PHC1: variants seen among roughly 807,000 people sequenced by gnomAD.
PHC1 encodes polyhomeotic-like protein 1.
PHC1 carries 12 observed loss-of-function variants against 104.3 expected under a neutral mutation model. The ratio of observed to expected loss-of-function variants is 0.12; its 90% CI spans 0.07 to 0.19. The LOEUF (loss-of-function observed/expected upper bound fraction) is 0.19, where lower values mean the gene tolerates loss of function less well. Among genes scored for constraint, PHC1 ranks in the 10% least tolerant of loss-of-function variants. The pLI, the probability that PHC1 is intolerant of heterozygous loss-of-function variation, is 1.00. For missense variants in PHC1, 671 were observed against 1,200.0 expected, an observed-to-expected ratio of 0.56 and a Z score of 6.51; for synonymous variants, 302 against 455.8, an observed-to-expected ratio of 0.66 and a Z score of 4.30.
At chr12:8,920,170 T>G (rs1945321226) in intron 3 of PHC1, among the ~76,000 whole-genome samples, 1 of 152,204 alleles carries the variant, frequency 6.6e-6, no homozygotes, top group Non-Finnish European at 1.5e-5. Flanking sequence ...AGACGTCCTA[T>G]AAGATTTTAG....
At chr12:8,928,578 T>C (rs1487502176) in intron 6 of PHC1, among the ~76,000 whole-genome samples, 2 of 152,316 alleles carry the variant, frequency 1.3e-5, no homozygotes, top group East Asian at 3.9e-4. Context: ...TGCATCTCTC[T>C]ATGTTTCTAA....
At position 8,933,135 on chromosome 12, in the gene PHC1, G is replaced by A. The variant is rs1315194985; in HGVS notation, c.1678G>A (p.Gly560Ser). ...TGTACCTACTTCCCGGGGGATGCCA[G>A]GTACAGTGCAGTCTGGTCAGGCCCA... ...AAVPTSRGMPGTVQSGQAHLA... is the reference protein window; with the variant it reads ...AAVPTSRGMPSTVQSGQAHLA... Residue 560 changes from glycine to serine, a missense_variant, in exon 8 of 15, where the codon GGT becomes AGT. Around this residue, in one of 9 missense-constraint regions of PHC1, gnomAD observed 26 missense variants for 130.8 expected, o/e 0.20. Coordinates refer to ENST00000544916, the MANE Select transcript of PHC1 (RefSeq NM_004426.3). 1 of 996,706 alleles carries A rather than the reference G, an allele frequency of 1.0e-6. No individual in the cohort carries two copies. The highest frequency in any genetic ancestry group is 2.9e-5 in the Admixed American group (1 of 34,272). The allele number at this position is 996,706 out of a possible 1,614,324, so 61.7% of individuals were successfully genotyped here. A position where few individuals can be genotyped will look rare whatever the true frequency, so the allele number is the denominator to read the frequency against.
chr12:8,938,069 C>G lies in PHC1; in HGVS notation c.2860+9C>G, dbSNP rs757647635. 1.7e-5 allele frequency: 27 copies of G among 1,593,686 alleles called. No individual in the cohort carries two copies. The highest frequency in any genetic ancestry group is 1.5e-4 in the Admixed American group (9 of 59,296). On this transcript the variant is annotated intron_variant, in intron 14 of 14. Transcript: ENST00000544916. ...TATTGCTTCTCTCCAAGGTACTGAC[C>G]CTCTCTTCAACAGAACCCAGGTTGT...
chr12:8,922,173 TC>T (rs1945385481), intron 5 of PHC1, among the ~76,000 whole-genome samples: 1 of 152,168 alleles, frequency 6.6e-6, no homozygotes, highest in Non-Finnish European at 1.5e-5. Context: ...GGGACCTACT[TC>T]CCATACTTTA....
At chr12:8,935,907 T>C (rs1303169511) in intron 11 of PHC1, among the ~76,000 whole-genome samples, 1 of 151,960 alleles carries the variant, frequency 6.6e-6, no homozygotes. Context: ...ATTACAGGCA[T>C]GCGCCACCAC....
At chr12:8,938,111 C>T (rs1391030717) in intron 14 of PHC1, 51 bp downstream of exon 14, 1 of 1,235,994 alleles carries the variant, frequency 8.1e-7, no homozygotes, top group Admixed American at 1.9e-5. Context: ...TAACATCATC[C>T]CACAGGGGCC....
At chr12:8,920,163 C>T (rs1026969713) in intron 3 of PHC1, among the ~76,000 whole-genome samples, 3 of 151,958 alleles carry the variant, frequency 2.0e-5, no homozygotes, top group South Asian at 4.1e-4. Context: ...TAAATGGAGA[C>T]GTCCTATAAG....
intron 7 of PHC1, 25 bp from the exon 8 acceptor site, chr12:8,932,535 CTGT>C: frequency 1.2e-6 from 2 of 1,601,190 alleles, no homozygotes; most frequent in Non-Finnish European, 1.7e-6. Flanking sequence ...TTTTTTCTCT[CTGT>C]TGTATTCTGG....
intron 2 of PHC1, among the ~76,000 whole-genome samples, chr12:8,918,050 C>T (rs1393000879): frequency 3.3e-5 from 5 of 152,318 alleles, no homozygotes; most frequent in Admixed American, 3.3e-4. Context: ...AACCCTTTCT[C>T]ATACTGGATT....
intron 6 of PHC1, among the ~76,000 whole-genome samples, chr12:8,926,997 A>G (rs1208390385): frequency 6.6e-6 from 1 of 152,196 alleles, no homozygotes; most frequent in East Asian, 1.9e-4. Context: ...ATGAACCCCC[A>G]CTTTGGAAAA....
chr12:8,933,788 A>T, intron 8 of PHC1, 77 bp from the exon 9 acceptor site: 1 of 1,266,894 alleles, frequency 7.9e-7, no homozygotes, highest in East Asian at 2.3e-5. Flanking sequence ...TTTTCTTTGA[A>T]CATATGGTAA....
In PHC1 at chr12:8,941,351, A is replaced by G. The variant is rs1350231096; in HGVS notation, c.*1892A>G. ...GTAGTTCCAAGCAGCAAGAAATACC[A>G]GATTCTCATGGAGGCTACTATAGGG... is the stretch of plus-strand genomic sequence containing the variant. On this transcript the variant is annotated 3_prime_UTR_variant, in exon 15 of 15. Transcript: ENST00000544916. 1 of 197,566 alleles carries G rather than the reference A, an allele frequency of 5.1e-6. No homozygotes were observed. Among genetic ancestry groups the G allele is most frequent in the East Asian group, 1.3e-4 (1 of 7,528 alleles). The allele number at this position is 197,566 out of a possible 1,614,324, so 12.2% of individuals were successfully genotyped here. A position where few individuals can be genotyped will look rare whatever the true frequency, so the allele number is the denominator to read the frequency against.
In PHC1 at chr12:8,937,204, C is replaced by T. The variant is rs749508796; in HGVS notation, c.2506C>T (p.Arg836Trp). ...CAATGTGAGCTGTAGCCATCAGTTC[C>T]GGCTGAAGAGGAAAAAAATGAAAGA... ...RYNVSCSHQF[R>W]LKRKKMKEFQ... The change falls in exon 13 of 15, where the codon CGG (arginine) becomes TGG (tryptophan). Residue 836 changes from arginine (R) to tryptophan (W), a missense_variant. Around this residue, in one of 9 missense-constraint regions of PHC1, gnomAD observed 192 missense variants for 280.5 expected, o/e 0.68. Transcript: ENST00000544916. 19 of 1,612,564 alleles carry T rather than the reference C, an allele frequency of 1.2e-5. No homozygotes were observed. The South Asian group carries it at 1.2e-4, about 10-fold the overall frequency.
chr12:8,916,509 CA>C (rs976945542), intron 1 of PHC1, among the ~76,000 whole-genome samples: 3 of 149,940 alleles, frequency 2.0e-5, no homozygotes, highest in Non-Finnish European at 3.0e-5. Flanking sequence ...AAGAGAAAAA[CA>C]AAAAAAAAGA....
At position 8,937,345 on chromosome 12, in the gene PHC1, A is replaced by T. The variant is rs982320453; in HGVS notation, c.2628+19A>T. On this transcript the variant is annotated intron_variant, in intron 13 of 14. Transcript: ENST00000544916. The stretch of plus-strand genomic sequence containing the variant: ...CCACCGGGTGAGCTGCTTGTTGTAG[A>T]GCCAGATGCCTTTAAACTGGGTCTT... 1 of 1,587,128 alleles carries T rather than the reference A, an allele frequency of 6.3e-7. No homozygotes were observed. The highest frequency in any genetic ancestry group is 8.6e-7 in the Non-Finnish European group (1 of 1,168,194).
intron 11 of PHC1, among the ~76,000 whole-genome samples, chr12:8,935,809 G>A (rs1945821143): frequency 6.6e-6 from 1 of 151,952 alleles, no homozygotes; most frequent in Admixed American, 6.6e-5. Context: ...TGCCCAGGCT[G>A]GAGTGCAATG....
At chr12:8,932,458 C>T in intron 7 of PHC1, 105 bp from the exon 8 acceptor site, 2 of 1,267,782 alleles carry the variant, frequency 1.6e-6, no homozygotes, top group Non-Finnish European at 2.2e-6. Context: ...CGCATAATTC[C>T]AAAACTAGGT....
chr12:8,927,887 TTCTTTCTTTCTTTCTTTCTTTCTTTC>T (rs1945566237), intron 6 of PHC1, among the ~76,000 whole-genome samples: 8 of 112,094 alleles, frequency 7.1e-5, no homozygotes, highest in African/African-American at 3.2e-4. Flanking sequence ...CTTTCTTTCT[TTCTTTCTTTCTTTCTTTCTTTCTTTC>T]TTTTTTTTTT....
chr12:8,917,610 CT>C lies in PHC1; in HGVS notation c.-48-16del. 1.5e-6 allele frequency: 1 copy of C among 651,014 alleles called. No homozygotes were observed. Among genetic ancestry groups the C allele is most frequent in the African/African-American group, 1.9e-5 (1 of 52,592 alleles). The allele number at this position is 651,014 out of a possible 1,614,324, so 40.3% of individuals were successfully genotyped here. The stretch of plus-strand genomic sequence containing the variant: ...TTGGGATCAAGATATAAATTTTAAC[CT>C]TTTACTGCTTCCCTCTAGGTCTTGA... On this transcript the variant is annotated intron_variant, in intron 1 of 14. Transcript: ENST00000544916.
Sources: allele counts gnomAD v4.1 joint callset (sites outside exome capture counted in the v4.1 genomes callset), GRCh38; gene constraint gnomAD v4.1.1; regional missense constraint gnomAD v4.1.1; transcripts MANE v1.5; gene names NCBI Gene and HGNC (gene_info 2026-07-23, HGNC 2026-07-21).